Variants in ZFAND4 observed in about 807,000 individuals in gnomAD.
ZFAND4 encodes the protein zinc finger AN1-type containing 4.
A neutral mutation model predicts 64.4 loss-of-function variants in ZFAND4; 43 were observed. The observed-to-expected ratio is 0.67, with a 90% CI of 0.52 to 0.86. The LOEUF (loss-of-function observed/expected upper bound fraction) is 0.86. Ranked by LOEUF, ZFAND4 falls within the 40% of genes least tolerant of loss-of-function variation. ZFAND4 has a pLI of 0.00. For missense variants in ZFAND4, 929 were observed against 859.8 expected (o/e 1.08, Z -1.01); for synonymous variants, 296 against 305.7 (o/e 0.97, Z 0.33).
intron 1 of ZFAND4, among the ~76,000 whole-genome samples, chr10:45,665,316 G>A (rs1220539295): frequency 6.6e-6 from 1 of 152,084 alleles, no homozygotes; most frequent in Non-Finnish European, 1.5e-5. Context: ...GAGGTGGGCG[G>A]ATCACCTGAG....
chr10:45,616,080 T>G lies in ZFAND4; in HGVS notation c.*356A>C. Reference sequence around the variant, plus strand: ...AGCCATTCATTACATGACTGCTCATTCTGTACAATGTGGAAGCCTGGTTAT... The same window carrying G: ...AGCCATTCATTACATGACTGCTCATGCTGTACAATGTGGAAGCCTGGTTAT... On this transcript the variant is annotated 3_prime_UTR_variant, in exon 10 of 10. Coordinates refer to ENST00000344646, the MANE Select transcript of ZFAND4 (RefSeq NM_174890.4). 1 of 200,864 alleles carries G rather than the reference T, an allele frequency of 5.0e-6. No individual in the cohort carries two copies. The highest frequency in any genetic ancestry group is 1.0e-5 in the Non-Finnish European group (1 of 98,936). 12.4% of individuals were successfully genotyped at this position (200,864 alleles called of 1,614,324 possible).
At chr10:45,638,587 A>G (rs146317496) in intron 6 of ZFAND4, among the ~76,000 whole-genome samples, 21 of 152,324 alleles carry the variant, frequency 1.4e-4, no homozygotes, top group African/African-American at 4.3e-4. Flanking sequence ...TCTGACTCCG[A>G]AAGTCCATTG....
At chr10:45,627,543 G>C (rs1306863708) in intron 6 of ZFAND4, among the ~76,000 whole-genome samples, 2 of 151,884 alleles carry the variant, frequency 1.3e-5, no homozygotes, top group African/African-American at 2.4e-5. Context: ...GAAAAGACTT[G>C]CTGGCAACAC....
At chr10:45,624,711 TTGTATTTTATCA>T in intron 7 of ZFAND4, 74 bp from the exon 8 acceptor site, 1 of 1,240,214 alleles carries the variant, frequency 8.1e-7, no homozygotes, top group African/African-American at 1.5e-5. Context: ...CATGAAATAC[TTGTATTTTATCA>T]CTAAGATGCT....
chr10:45,625,913 G>T (rs112640645), intron 7 of ZFAND4, 38 bp downstream of exon 7: 6 of 1,566,652 alleles, frequency 3.8e-6, no homozygotes, highest in African/African-American at 2.7e-5. Flanking sequence ...ATCACTACAA[G>T]GATAACTACT....
chr10:45,660,064 A>T (rs1475769787), intron 2 of ZFAND4, among the ~76,000 whole-genome samples: 1 of 150,678 alleles, frequency 6.6e-6, no homozygotes, highest in East Asian at 2.0e-4. Context: ...CGGGAGGCTG[A>T]GGCAGGAGAA....
At chr10:45,657,213 G>A (rs1044485545) in intron 2 of ZFAND4, among the ~76,000 whole-genome samples, 3 of 151,952 alleles carry the variant, frequency 2.0e-5, no homozygotes, top group Non-Finnish European at 4.4e-5. Context: ...ACAGGGTTTC[G>A]CAATGTTGCC....
chr10:45,630,778 A>T (rs76969940), intron 6 of ZFAND4, among the ~76,000 whole-genome samples: 3,861 of 151,956 alleles, frequency 0.025, 69 homozygotes, highest in East Asian at 0.052. Context: ...AATAAAAATA[A>T]AATAAAGAAT....
chr10:45,653,089 T>TA, intron 2 of ZFAND4, 30 bp from the exon 3 acceptor site: 2 of 1,516,444 alleles, frequency 1.3e-6, no homozygotes, highest in Non-Finnish European at 1.8e-6. Context: ...AAAAAAGTGT[T>TA]AAAGAATTCA....
In ZFAND4 at chr10:45,615,628, G is replaced by C. The variant is rs972384261; in HGVS notation, c.*808C>G. The C allele has an allele frequency of 2.6e-5, 4 of 151,824 alleles. No homozygotes were observed. Among genetic ancestry groups the C allele is most frequent in the Non-Finnish European group, 5.9e-5 (4 of 67,976 alleles). The allele number at this position is 151,824 out of a possible 1,614,324, so 9.4% of individuals were successfully genotyped here. A position where few individuals can be genotyped will look rare whatever the true frequency, so the allele number is the denominator to read the frequency against. ...TTGAATATTTATTTGAATTTCTCCT[G>C]GTAATAGCACTCAACAAATAAGAAA... On this transcript the variant is annotated 3_prime_UTR_variant, in exon 10 of 10. Coordinates refer to ENST00000344646, the MANE Select transcript of ZFAND4 (RefSeq NM_174890.4).
intron 1 of ZFAND4, among the ~76,000 whole-genome samples, chr10:45,669,242 A>G (rs931710754): frequency 1.8e-4 from 27 of 152,366 alleles, no homozygotes; most frequent in Non-Finnish European, 3.4e-4. Context: ...ATCAGAGAAT[A>G]CCATAAACAC....
chr10:45,639,719 A>C, intron 6 of ZFAND4, 97 bp downstream of exon 6: 1 of 1,409,824 alleles, frequency 7.1e-7, no homozygotes, highest in Non-Finnish European at 9.4e-7. Flanking sequence ...AATGAATAAT[A>C]CTTTATAATT....
At chr10:45,650,071 G>A (rs906687855) in intron 4 of ZFAND4, 8 of 152,130 alleles carry the variant, frequency 5.3e-5, no homozygotes, top group Admixed American at 2.6e-4. Flanking sequence ...TTTCTATGCT[G>A]CTTTGATAAT....
intron 2 of ZFAND4, among the ~76,000 whole-genome samples, chr10:45,653,866 T>C (rs1269087270): frequency 6.6e-6 from 1 of 152,198 alleles, no homozygotes; most frequent in Non-Finnish European, 1.5e-5. Flanking sequence ...ACACATGCAC[T>C]AGTATGTTCA....
At position 45,672,717 on chromosome 10, in the gene ZFAND4, G is replaced by T. The variant is rs2049290888; in HGVS notation, c.-585C>A. ...CGCTGGCTCGCTCGCCCGCCTACAG[G>T]TCGACAGGGCCCAACGACCCGGCGA... On this transcript the variant is annotated 5_prime_UTR_variant, in exon 1 of 10. Transcript: ENST00000344646. The T allele has an allele frequency of 6.6e-6, 1 of 152,232 alleles. No homozygotes were observed. Among genetic ancestry groups the T allele is most frequent in the Admixed American group, 6.5e-5 (1 of 15,286 alleles). 9.4% of individuals were successfully genotyped at this position (152,232 alleles called of 1,614,324 possible). A position where few individuals can be genotyped will look rare whatever the true frequency, so the allele number is the denominator to read the frequency against.
intron 2 of ZFAND4, among the ~76,000 whole-genome samples, chr10:45,656,501 C>CAAAAAAAAAAAAA (rs541781976): frequency 4.5e-4 from 11 of 24,670 alleles, no homozygotes; most frequent in African/African-American, 5.9e-4. Context: ...GAACCTGTCT[C>CAAAAAAAAAAAAA]AAAAAAAAAA....
chr10:45,651,319 A>T (rs1390141247), intron 4 of ZFAND4: 1 of 230,342 alleles, frequency 4.3e-6, no homozygotes, highest in African/African-American at 2.3e-5. Flanking sequence ...TTCCTACCCT[A>T]TTTTCTGCAT....
chr10:45,619,959 A>G (rs781264813), intron 8 of ZFAND4, among the ~76,000 whole-genome samples: 56 of 152,216 alleles, frequency 3.7e-4, no homozygotes, highest in Non-Finnish European at 5.0e-4. Context: ...TTTTAAAAAG[A>G]TATTTACTTG....
intron 6 of ZFAND4, among the ~76,000 whole-genome samples, chr10:45,628,108 C>T (rs959629555): frequency 9.9e-5 from 15 of 152,106 alleles, no homozygotes; most frequent in African/African-American, 3.4e-4. Flanking sequence ...GAGAACTAAA[C>T]ACAAGAAATC....
Sources: gnomAD v4.1 joint callset for allele counts (sites outside exome capture counted in the v4.1 genomes callset) on GRCh38, gnomAD v4.1.1 for gene constraint, MANE v1.5 for transcripts, NCBI Gene and HGNC (gene_info 2026-07-23, HGNC 2026-07-21) for gene names.